Variants in SGCD observed in about 807,000 individuals in gnomAD.
SGCD encodes delta-sarcoglycan.
SGCD carries 18 observed loss-of-function variants against 36.6 expected under a neutral mutation model. The ratio of observed to expected loss-of-function variants is 0.49; its 90% CI spans 0.34 to 0.73. SGCD has a LOEUF of 0.73. Ranked by LOEUF, SGCD falls within the 30% of genes least tolerant of loss-of-function variation. The pLI is 0.01. For synonymous variants in SGCD, 133 were observed against 130.6 expected, an observed-to-expected ratio of 1.02 and a Z score of -0.12; for missense variants, 387 against 346.7, an observed-to-expected ratio of 1.12 and a Z score of -0.92.
chr5:155,967,876 T>C (rs1330578464), intron 1 of SGCD, among the ~76,000 whole-genome samples: 3 of 152,032 alleles, frequency 2.0e-5, no homozygotes, highest in Non-Finnish European at 4.4e-5. Flanking sequence ...AGACACCTTT[T>C]TTTCTTCCTC....
At chr5:155,734,280 A>G in the SGCD span, among the ~76,000 whole-genome samples, 326 of 151,704 alleles carry the variant, frequency 2.1e-3, 3 homozygotes, top group African/African-American at 7.4e-3. Flanking sequence ...ATCTTGGCTC[A>G]CTGCAACATC....
chr5:156,344,797 C>T (rs1481733192), intron 3 of SGCD, 120 bp downstream of exon 3: 10 of 687,466 alleles, frequency 1.5e-5, no homozygotes, highest in African/African-American at 7.3e-5. Context: ...TCTGTAACCT[C>T]GTGTTTTGGT....
intron 1 of SGCD, among the ~76,000 whole-genome samples, chr5:155,983,783 A>T (rs1758275944): frequency 6.6e-6 from 1 of 152,206 alleles, no homozygotes; most frequent in South Asian, 2.1e-4. Context: ...GGTAGATGTT[A>T]AGTCAAAGAA....
At chr5:156,535,337 A>G (rs1298167203) in intron 4 of SGCD, among the ~76,000 whole-genome samples, 1 of 152,220 alleles carries the variant, frequency 6.6e-6, no homozygotes, top group East Asian at 1.9e-4. Context: ...CTCATATTCC[A>G]TGAAATTAAA....
chr5:156,057,606 C>A (rs1456309315), intron 1 of SGCD, among the ~76,000 whole-genome samples: 1 of 146,194 alleles, frequency 6.8e-6, no homozygotes, highest in East Asian at 1.9e-4. Context: ...GAATTTCTGA[C>A]CCAGGTCTGA....
At chr5:156,526,222 A>C (rs1158270880) in intron 4 of SGCD, among the ~76,000 whole-genome samples, 2 of 152,122 alleles carry the variant, frequency 1.3e-5, no homozygotes, top group Non-Finnish European at 2.9e-5. Context: ...TAAAGATGAG[A>C]AAGTGTTAAG....
chr5:156,559,511 T>G (rs1225582089), intron 4 of SGCD, among the ~76,000 whole-genome samples: 1 of 152,172 alleles, frequency 6.6e-6, no homozygotes, highest in Non-Finnish European at 1.5e-5. Flanking sequence ...GGTAAAGTAT[T>G]TCCACAAGAG....
the SGCD span, among the ~76,000 whole-genome samples, chr5:155,824,180 G>A: frequency 6.6e-6 from 1 of 152,164 alleles, no homozygotes; most frequent in African/African-American, 2.4e-5. Context: ...AATTATGTGA[G>A]GATTGATTTT....
chr5:156,605,725 T>C (rs1194291239), intron 6 of SGCD, among the ~76,000 whole-genome samples: 1 of 152,216 alleles, frequency 6.6e-6, no homozygotes, highest in Non-Finnish European at 1.5e-5. Flanking sequence ...TTCCTGACTT[T>C]TTAATGACCA....
intron 4 of SGCD, among the ~76,000 whole-genome samples, chr5:156,580,087 G>A (rs553000598): frequency 7.2e-5 from 11 of 152,210 alleles, no homozygotes; most frequent in African/African-American, 2.6e-4. Context: ...CTTCCTTCAG[G>A]AGCTCTTGTA....
chr5:156,185,984 G>C (rs1358177803), intron 3 of SGCD, among the ~76,000 whole-genome samples: 1 of 148,824 alleles, frequency 6.7e-6, no homozygotes, highest in East Asian at 2.0e-4. Context: ...CCAAAGATCT[G>C]TGATCGGAAT....
intron 1 of SGCD, among the ~76,000 whole-genome samples, chr5:155,890,438 A>G (rs1756097172): frequency 6.6e-6 from 1 of 152,086 alleles, no homozygotes; most frequent in African/African-American, 2.4e-5. Context: ...CAGCCTGGGC[A>G]CCATGGTGGA....
chr5:156,474,458 G>GCTTCT (rs1293389171), intron 3 of SGCD, among the ~76,000 whole-genome samples: 34 of 152,176 alleles, frequency 2.2e-4, no homozygotes, highest in Middle Eastern at 3.4e-3. Flanking sequence ...ACTCCTTAGC[G>GCTTCT]CTTCTATAGC....
chr5:156,695,615 G>A (rs572124620), intron 7 of SGCD, among the ~76,000 whole-genome samples: 27 of 152,268 alleles, frequency 1.8e-4, no homozygotes, highest in South Asian at 8.3e-4. Flanking sequence ...TTATTAAAGC[G>A]TATGCATGTG....
chr5:156,539,394 T>A (rs888303831), intron 4 of SGCD, among the ~76,000 whole-genome samples: 3 of 151,970 alleles, frequency 2.0e-5, no homozygotes, highest in Non-Finnish European at 4.4e-5. Flanking sequence ...ATATGTAGTC[T>A]TCTATCCCTC....
At chr5:155,869,219 T>A (rs2113270678), upstream of SGCD, among the ~76,000 whole-genome samples, 1 of 152,302 alleles carries the variant, frequency 6.6e-6, no homozygotes, top group South Asian at 2.1e-4. Context: ...GCAACCCTAC[T>A]TGAAGGCAGG....
intron 3 of SGCD, among the ~76,000 whole-genome samples, chr5:156,469,001 T>A (rs1754840787): frequency 6.6e-6 from 1 of 152,032 alleles, no homozygotes; most frequent in Non-Finnish European, 1.5e-5. Context: ...CAAAAAATAA[T>A]AATAATAAGG....
intron 3 of SGCD, among the ~76,000 whole-genome samples, chr5:156,249,238 T>G (rs538646856): frequency 1.3e-4 from 20 of 152,052 alleles, no homozygotes; most frequent in African/African-American, 4.3e-4. Flanking sequence ...AAACTTGTCA[T>G]GGTGAGAAGG....
At chr5:156,208,882 A>G (rs1764360915) in intron 3 of SGCD, among the ~76,000 whole-genome samples, 1 of 152,178 alleles carries the variant, frequency 6.6e-6, no homozygotes, top group South Asian at 2.1e-4. Flanking sequence ...AGAACTAAGG[A>G]AATTATAGCA....
Sources: gnomAD v4.1 joint callset for allele counts (sites outside exome capture counted in the v4.1 genomes callset) on GRCh38, gnomAD v4.1.1 for gene constraint, MANE v1.5 for transcripts, NCBI Gene and HGNC (gene_info 2026-07-23, HGNC 2026-07-21) for gene names.